MID1: variants seen among roughly 807,000 people sequenced by gnomAD.
The protein encoded by MID1 is E3 ubiquitin-protein ligase Midline-1.
A neutral mutation model predicts 40.4 loss-of-function variants in MID1; 7 were observed. That is an observed-to-expected ratio of 0.17 (90% CI 0.10 to 0.33). The LOEUF (loss-of-function observed/expected upper bound fraction) is 0.33, where lower values mean the gene tolerates loss of function less well. MID1 is among the 10% of genes least tolerant of loss of function. The pLI is 1.00. For missense variants in MID1, 367 were observed against 558.5 expected (o/e 0.66, Z 3.46); for synonymous variants, 229 against 221.2 (o/e 1.04, Z -0.31).
chrX:10,796,971 T>C (rs2043971780), intron 1 of MID1, among the ~76,000 whole-genome samples: 1 of 111,486 alleles, frequency 9.0e-6, no homozygotes, highest in Non-Finnish European at 1.9e-5. Context: ...GAGTATCTTA[T>C]AGTTATAAGT....
intron 1 of MID1, among the ~76,000 whole-genome samples, chrX:10,806,456 T>C (rs190479063): frequency 8.9e-6 from 1 of 112,277 alleles, no homozygotes; most frequent in African/African-American, 3.2e-5. Context: ...GTTTGTACTA[T>C]GACCTCAATT....
chrX:10,577,157 C>T lies in MID1; in HGVS notation c.-56-9554G>A, dbSNP rs1232370701. 3.6e-5 allele frequency among the ~76,000 whole-genome samples: 4 copies of T among 112,122 alleles called. No individual in the cohort carries two copies. The East Asian group carries it at 8.4e-4, about 24-fold the overall frequency. On this transcript the variant is annotated intron_variant, in intron 1 of 9. Coordinates refer to ENST00000317552, the MANE Select transcript of MID1 (RefSeq NM_000381.4). ...GTCCAAAAAAATGAGGACTTGGCAA[C>T]GGGATCTGTACTCTCATTCCTTACA...
intron 1 of MID1, among the ~76,000 whole-genome samples, chrX:10,679,375 G>A (rs2043043795): frequency 8.9e-6 from 1 of 111,773 alleles, no homozygotes; most frequent in African/African-American, 3.2e-5. Context: ...TATAGGGGAA[G>A]GGAAGGATTG....
chrX:10,597,915 G>A (rs1935444296), intron 1 of MID1, among the ~76,000 whole-genome samples: 1 of 111,728 alleles, frequency 9.0e-6, no homozygotes, highest in African/African-American at 3.2e-5. Context: ...TATCTGCCAT[G>A]TTCTTACTAA....
chrX:10,717,951 G>A (rs1038683458), intron 1 of MID1, among the ~76,000 whole-genome samples: 4 of 111,727 alleles, frequency 3.6e-5, no homozygotes, highest in African/African-American at 9.8e-5. Context: ...TGACTACTGG[G>A]TACATAATGA....
At chrX:10,831,457 G>A (rs765603625) in intron 1 of MID1, among the ~76,000 whole-genome samples, 1 of 111,324 alleles carries the variant, frequency 9.0e-6, no homozygotes, top group African/African-American at 3.3e-5. Flanking sequence ...GGAGGCTGCC[G>A]ATTGGTTAAA....
intron 1 of MID1, among the ~76,000 whole-genome samples, chrX:10,808,558 T>G (rs1281259282): frequency 9.1e-6 from 1 of 110,324 alleles, no homozygotes; most frequent in African/African-American, 3.3e-5. Context: ...ATGGTACACC[T>G]CCCTATGGTA....
chrX:10,626,441 G>A (rs1280142911), intron 1 of MID1, among the ~76,000 whole-genome samples: 8 of 110,330 alleles, frequency 7.3e-5, no homozygotes, highest in Non-Finnish European at 3.8e-5. Flanking sequence ...CTGGGCACGA[G>A]CCATCCTCCT....
intron 1 of MID1, among the ~76,000 whole-genome samples, chrX:10,691,340 C>T (rs1210126848): frequency 5.4e-5 from 6 of 111,439 alleles, no homozygotes; most frequent in African/African-American, 2.0e-4. Context: ...GAGTTCGAGA[C>T]CTGTTGTGGG....
intron 1 of MID1, among the ~76,000 whole-genome samples, chrX:10,804,075 T>G (rs1470657601): frequency 8.9e-6 from 1 of 112,196 alleles, no homozygotes; most frequent in Non-Finnish European, 1.9e-5. Flanking sequence ...AAAGACATTC[T>G]TCATTTCTGT....
At chrX:10,728,661 T>A (rs2043417530) in intron 1 of MID1, among the ~76,000 whole-genome samples, 1 of 111,996 alleles carries the variant, frequency 8.9e-6, no homozygotes, top group African/African-American at 3.2e-5. Context: ...TATTTGGAGA[T>A]GTTTGTGCAG....
chrX:10,701,784 G>A (rs1180857547), intron 1 of MID1, among the ~76,000 whole-genome samples: 4 of 112,150 alleles, frequency 3.6e-5, no homozygotes, highest in African/African-American at 1.3e-4. Flanking sequence ...TTGAGTCATT[G>A]AGCAGAACCA....
chrX:10,512,372 A>G (rs1416086394), intron 3 of MID1, among the ~76,000 whole-genome samples: 3 of 112,369 alleles, frequency 2.7e-5, no homozygotes, highest in Non-Finnish European at 5.6e-5. Context: ...TAACAACTCC[A>G]GTTACTTATT....
chrX:10,673,461 T>G (rs1461083222), intron 1 of MID1, among the ~76,000 whole-genome samples: 1 of 112,064 alleles, frequency 8.9e-6, no homozygotes, highest in African/African-American at 3.2e-5. Flanking sequence ...AAATACTGTA[T>G]TCTGTATTTT....
chrX:10,597,435 A>G lies in MID1; in HGVS notation c.-57+22855T>C, dbSNP rs190625625. Among the ~76,000 whole-genome samples the G allele has an allele frequency of 1.5e-4, 17 of 112,202 alleles. No homozygotes were observed. In the Admixed American group the frequency reaches 1.6e-3, roughly 11 times the overall value. The stretch of plus-strand genomic sequence containing the variant: ...AATAGACTATATAAGCTGAAGATTT[A>G]CTAAATATTAAAATGTTAGCAATTT... On this transcript the variant is annotated intron_variant, in intron 1 of 9. Transcript: ENST00000317552.
At chrX:10,497,298 G>A (rs1471790571) in intron 3 of MID1, among the ~76,000 whole-genome samples, 1 of 112,179 alleles carries the variant, frequency 8.9e-6, no homozygotes, top group East Asian at 2.8e-4. Context: ...AAGCTTCTTT[G>A]CTCGACCAAA....
chrX:10,673,571 T>C (rs768424532), intron 1 of MID1, among the ~76,000 whole-genome samples: 1 of 111,998 alleles, frequency 8.9e-6, no homozygotes, highest in African/African-American at 3.2e-5. Context: ...GTTGGCTCTC[T>C]GATCATAAAG....
At chrX:10,685,552 T>TA (rs778830247) in intron 1 of MID1, among the ~76,000 whole-genome samples, 7 of 111,771 alleles carry the variant, frequency 6.3e-5, no homozygotes, top group African/African-American at 2.0e-4. Context: ...GGTCTTGCCT[T>TA]ACACCCAGAA....
intron 5 of MID1, 79 bp downstream of exon 5, chrX:10,482,401 G>A (rs954461424): frequency 2.4e-5 from 25 of 1,037,018 alleles, no homozygotes; most frequent in Non-Finnish European, 3.1e-5. Context: ...TAAAAGCAAG[G>A]CGAGGGCAAG....
Sources: gnomAD v4.1 joint callset for allele counts (sites outside exome capture counted in the v4.1 genomes callset) on GRCh38, gnomAD v4.1.1 for gene constraint, MANE v1.5 for transcripts, NCBI Gene and HGNC (gene_info 2026-07-23, HGNC 2026-07-21) for gene names.